Variants in ADCY2 observed in about 807,000 individuals in gnomAD.
The protein encoded by ADCY2 is adenylate cyclase 2, also known as adenylate cyclase type 2.
In ADCY2, 31 loss-of-function variants were observed where a neutral mutation model predicts 125.2. The ratio of observed to expected loss-of-function variants is 0.25; its 90% confidence interval spans 0.19 to 0.33. The LOEUF (loss-of-function observed/expected upper bound fraction) is 0.33. Among genes scored for constraint, ADCY2 ranks in the 10% least tolerant of loss-of-function variants. The pLI is 1.00. For synonymous variants in ADCY2, 512 were observed against 548.4 expected, an observed-to-expected ratio of 0.93 and a Z score of 0.93; for missense variants, 904 against 1,418.2, an observed-to-expected ratio of 0.64 and a Z score of 5.82.
chr5:7,434,894 A>G (rs1740739581), intron 2 of ADCY2, among the ~76,000 whole-genome samples: 1 of 152,224 alleles, frequency 6.6e-6, no homozygotes, highest in Non-Finnish European at 1.5e-5. Context: ...TCCTAGCTTT[A>G]TAGGGAAGAT....
In ADCY2 at chr5:7,557,503, T is replaced by C. The variant is rs529877827; in HGVS notation, c.570+36604T>C. 2.0e-5 allele frequency among the ~76,000 whole-genome samples: 3 copies of C among 152,276 alleles called. No homozygotes were observed. In the South Asian group the frequency reaches 6.2e-4, roughly 32 times the overall value. On this transcript the variant is annotated intron_variant, in intron 3 of 24. Transcript: ENST00000338316. ...TTAAGCCTAGTACCCATTAGTTATT[T>C]ATCCTAATCCTCTCCCTCCTCCCAC... is the stretch of plus-strand genomic sequence containing the variant.
At chr5:7,532,468 T>C (rs1218179788) in intron 3 of ADCY2, among the ~76,000 whole-genome samples, 2 of 152,248 alleles carry the variant, frequency 1.3e-5, no homozygotes, top group African/African-American at 4.8e-5. Flanking sequence ...CCAACTGCTT[T>C]GCCTTGTTCC....
intron 3 of ADCY2, among the ~76,000 whole-genome samples, chr5:7,544,024 A>G (rs1579557223): frequency 6.6e-6 from 1 of 151,236 alleles, no homozygotes; most frequent in East Asian, 1.9e-4. Context: ...AAAAAAAAAA[A>G]AAAAAAAAAA....
At chr5:7,457,464 C>T (rs1405432009) in intron 2 of ADCY2, among the ~76,000 whole-genome samples, 1 of 152,082 alleles carries the variant, frequency 6.6e-6, no homozygotes, top group African/African-American at 2.4e-5. Flanking sequence ...TCCAGGATTC[C>T]TAGAGAATGG....
intron 3 of ADCY2, among the ~76,000 whole-genome samples, chr5:7,602,171 A>C (rs1737233868): frequency 6.6e-6 from 1 of 152,188 alleles, no homozygotes; most frequent in Admixed American, 6.5e-5. Flanking sequence ...TACATTTGCA[A>C]AGGTACAATT....
intron 16 of ADCY2, among the ~76,000 whole-genome samples, chr5:7,760,225 C>T (rs560233639): frequency 2.6e-5 from 4 of 152,316 alleles, no homozygotes; most frequent in East Asian, 3.9e-4. Context: ...TTTTCGGGCT[C>T]GACTTTGTAA....
chr5:7,547,830 A>T (rs370733925), intron 3 of ADCY2, among the ~76,000 whole-genome samples: 178 of 152,324 alleles, frequency 1.2e-3, no homozygotes, highest in African/African-American at 3.9e-3. Context: ...CTTCTTGCGG[A>T]GGGACTATGC....
intron 19 of ADCY2, among the ~76,000 whole-genome samples, chr5:7,787,041 G>A (rs1352589289): frequency 6.6e-6 from 1 of 152,200 alleles, no homozygotes; most frequent in Non-Finnish European, 1.5e-5. Flanking sequence ...ACTCACTGTT[G>A]ATAGAGCCAG....
chr5:7,597,175 AGCT>A (rs1737033563), intron 3 of ADCY2, among the ~76,000 whole-genome samples: 1 of 152,212 alleles, frequency 6.6e-6, no homozygotes, highest in Non-Finnish European at 1.5e-5. Flanking sequence ...TTGCTCTGCC[AGCT>A]GCTATTTCTG....
chr5:7,413,732 G>T (rs868308478), intron 1 of ADCY2, among the ~76,000 whole-genome samples: 25 of 151,994 alleles, frequency 1.6e-4, no homozygotes, highest in African/African-American at 6.0e-4. Context: ...ATAATGTTTT[G>T]CAGAAGCTAA....
chr5:7,423,651 A>T (rs1391934396), intron 2 of ADCY2, among the ~76,000 whole-genome samples: 1 of 152,094 alleles, frequency 6.6e-6, no homozygotes, highest in African/African-American at 2.4e-5. Context: ...TTTATAAATT[A>T]CCCAGTCTCG....
intron 3 of ADCY2, among the ~76,000 whole-genome samples, chr5:7,596,193 A>G (rs543615166): frequency 1.3e-5 from 2 of 152,284 alleles, no homozygotes; most frequent in East Asian, 3.9e-4. Context: ...TCATTTCTCA[A>G]ATGGATAACT....
At chr5:7,516,456 A>T (rs185043971) in intron 2 of ADCY2, among the ~76,000 whole-genome samples, 1 of 152,288 alleles carries the variant, frequency 6.6e-6, no homozygotes, top group Non-Finnish European at 1.5e-5. Flanking sequence ...CACCACTCAC[A>T]TGAACACAGG....
intron 18 of ADCY2, among the ~76,000 whole-genome samples, chr5:7,775,539 C>T (rs571319906): frequency 1.6e-3 from 244 of 151,182 alleles, no homozygotes; most frequent in Non-Finnish European, 2.9e-3. Context: ...TGCAGGCAGC[C>T]GCCACCATGC....
At chr5:7,494,466 A>T (rs1743276180) in intron 2 of ADCY2, among the ~76,000 whole-genome samples, 1 of 152,072 alleles carries the variant, frequency 6.6e-6, no homozygotes, top group Non-Finnish European at 1.5e-5. Context: ...AAGTCTTTGC[A>T]TGGGACATTG....
intron 2 of ADCY2, among the ~76,000 whole-genome samples, chr5:7,483,270 T>C (rs1201465677): frequency 1.3e-5 from 2 of 152,308 alleles, no homozygotes; most frequent in East Asian, 3.9e-4. Context: ...GAATGTCACA[T>C]GTACCCCATT....
chr5:7,525,153 C>T (rs1734410309), intron 3 of ADCY2, among the ~76,000 whole-genome samples: 1 of 152,124 alleles, frequency 6.6e-6, no homozygotes, highest in African/African-American at 2.4e-5. Flanking sequence ...CAGGCACACG[C>T]TGCCATGCCT....
Position 7,757,441 on chromosome 5 carries a change from TCTC to T in ADCY2, c.1957-5_1957-3del, listed in dbSNP as rs775310012. 31 of 1,612,394 alleles carry T rather than the reference TCTC, an allele frequency of 1.9e-5. No individual in the cohort carries two copies. The highest frequency in any genetic ancestry group is 6.7e-5 in the Admixed American group (4 of 59,716). On this transcript the variant is annotated splice_region_variant and splice_polypyrimidine_tract_variant and intron_variant, in intron 15 of 24. Coordinates refer to ENST00000338316, the MANE Select transcript of ADCY2 (RefSeq NM_020546.3). Reference sequence around the variant, plus strand: ...AATGCTTCTCTTTTTCTTTCTCTCTTCTCCTAGCAATGCAGCAAAAAAGCCTCT... The same window carrying T: ...AATGCTTCTCTTTTTCTTTCTCTCTTCTAGCAATGCAGCAAAAAAGCCTCT...
At chr5:7,410,687 A>T (rs566723218) in intron 1 of ADCY2, among the ~76,000 whole-genome samples, 2 of 152,318 alleles carry the variant, frequency 1.3e-5, no homozygotes, top group South Asian at 4.1e-4. Flanking sequence ...TATTTTAGGT[A>T]ATATTAAAAG....
Sources: gnomAD v4.1 joint callset for allele counts (sites outside exome capture counted in the v4.1 genomes callset) on GRCh38, gnomAD v4.1.1 for gene constraint, MANE v1.5 for transcripts, NCBI Gene and HGNC (gene_info 2026-07-23, HGNC 2026-07-21) for gene names.